Variants in STAU2 observed in about 807,000 individuals in gnomAD.
STAU2 encodes staufen double-stranded RNA binding protein 2.
Under a neutral mutation model 65.9 loss-of-function variants are expected in STAU2, and 20 were observed. That is an observed-to-expected ratio of 0.30 (90% CI 0.21 to 0.44). The LOEUF is 0.44. Ranked by LOEUF, STAU2 falls within the 20% of genes least tolerant of loss-of-function variation. The pLI, the probability that STAU2 is intolerant of heterozygous loss-of-function variation, is 1.00. For synonymous variants in STAU2, 232 were observed against 233.9 expected, an observed-to-expected ratio of 0.99 and a Z score of 0.07; for missense variants, 558 against 683.9, an observed-to-expected ratio of 0.82 and a Z score of 2.05.
At chr8:73,596,271 T>C (rs999569049) in intron 10 of STAU2, among the ~76,000 whole-genome samples, 5 of 152,148 alleles carry the variant, frequency 3.3e-5, no homozygotes, top group Admixed American at 6.5e-5. Flanking sequence ...CAATGTTGCT[T>C]TGAAAATTAA....
intron 13 of STAU2, among the ~76,000 whole-genome samples, chr8:73,425,845 T>C (rs574736921): frequency 1.3e-5 from 2 of 152,000 alleles, no homozygotes; most frequent in African/African-American, 4.8e-5. Context: ...CAGGCTGGAG[T>C]GCAGTGGTGT....
intron 5 of STAU2, among the ~76,000 whole-genome samples, chr8:73,679,669 C>T (rs1818261541): frequency 7.4e-6 from 1 of 135,062 alleles, no homozygotes; most frequent in African/African-American, 2.9e-5. Context: ...ATCGCTTGAG[C>T]CCAGTTTGAG....
At chr8:73,465,348 A>G (rs1484409854) in intron 13 of STAU2, among the ~76,000 whole-genome samples, 2 of 152,224 alleles carry the variant, frequency 1.3e-5, no homozygotes. Context: ...GTTCCTTTAC[A>G]ATATCCTAGA....
At chr8:73,439,180 T>C (rs896029287) in intron 13 of STAU2, 1 of 379,934 alleles carries the variant, frequency 2.6e-6, no homozygotes, top group Non-Finnish European at 5.3e-6. Context: ...CCACCCTGGC[T>C]GATGCGCAGT....
intron 13 of STAU2, among the ~76,000 whole-genome samples, chr8:73,491,899 C>G (rs1821171137): frequency 6.6e-6 from 1 of 151,928 alleles, no homozygotes; most frequent in African/African-American, 2.4e-5. Context: ...AAGTAGTCTT[C>G]TTTGAGCAAT....
chr8:73,679,752 G>A (rs917945593), intron 5 of STAU2, among the ~76,000 whole-genome samples: 12 of 151,268 alleles, frequency 7.9e-5, no homozygotes, highest in Non-Finnish European at 2.9e-5. Flanking sequence ...GCTGGGCAAG[G>A]TGGTGCACAC....
chr8:73,722,625 A>C (rs564224501), intron 3 of STAU2, among the ~76,000 whole-genome samples: 229 of 152,274 alleles, frequency 1.5e-3, no homozygotes, highest in African/African-American at 5.1e-3. Flanking sequence ...TAAGATAATC[A>C]TCTTTATCTT....
At chr8:73,577,108 A>G (rs894439768) in intron 12 of STAU2, among the ~76,000 whole-genome samples, 24 of 152,178 alleles carry the variant, frequency 1.6e-4, no homozygotes, top group Non-Finnish European at 5.9e-5. Flanking sequence ...CAGTATACAG[A>G]TAATTCTGCT....
intron 6 of STAU2, among the ~76,000 whole-genome samples, chr8:73,658,948 A>C (rs1298459823): frequency 1.7e-4 from 26 of 151,428 alleles, no homozygotes; most frequent in Admixed American, 4.6e-4. Flanking sequence ...AACAACAAAA[A>C]AAAAAAACCA....
At chr8:73,693,398 C>T (rs1217898191) in intron 4 of STAU2, among the ~76,000 whole-genome samples, 1 of 150,286 alleles carries the variant, frequency 6.7e-6, no homozygotes, top group Non-Finnish European at 1.5e-5. Flanking sequence ...TGGCGTGAAC[C>T]CGGGAGGTGG....
At chr8:73,553,586 G>A (rs1350519201) in intron 12 of STAU2, among the ~76,000 whole-genome samples, 1 of 152,016 alleles carries the variant, frequency 6.6e-6, no homozygotes, top group Non-Finnish European at 1.5e-5. Context: ...TTTTGTCCAA[G>A]CCTTTAACAT....
At chr8:73,730,497 A>T (rs989880609) in intron 3 of STAU2, among the ~76,000 whole-genome samples, 1 of 152,038 alleles carries the variant, frequency 6.6e-6, no homozygotes, top group Non-Finnish European at 1.5e-5. Context: ...GAGGCCGAGG[A>T]GGGTGGATCA....
intron 13 of STAU2, among the ~76,000 whole-genome samples, chr8:73,473,186 C>T (rs1169901344): frequency 2.0e-5 from 3 of 152,144 alleles, no homozygotes; most frequent in African/African-American, 7.2e-5. Flanking sequence ...AAGCCTGAGA[C>T]TCAGGCTGAC....
At chr8:73,614,071 T>A in intron 8 of STAU2, 115 bp from the exon 9 acceptor site, 4 of 715,996 alleles carry the variant, frequency 5.6e-6, no homozygotes, top group Non-Finnish European at 6.6e-6. Flanking sequence ...AATTATAGTA[T>A]TTCTTTAAGA....
intron 13 of STAU2, among the ~76,000 whole-genome samples, chr8:73,502,125 G>A (rs908336584): frequency 6.6e-6 from 1 of 151,890 alleles, no homozygotes; most frequent in Non-Finnish European, 1.5e-5. Context: ...CATCCATGAA[G>A]TTACAGTAGG....
chr8:73,481,450 G>C (rs1405200850), intron 13 of STAU2, among the ~76,000 whole-genome samples: 1 of 150,426 alleles, frequency 6.6e-6, no homozygotes, highest in East Asian at 2.0e-4. Context: ...CACTGGCTAG[G>C]GTCCCTTCTA....
At chr8:73,741,694 G>A (rs936379995) in intron 1 of STAU2, among the ~76,000 whole-genome samples, 3 of 151,912 alleles carry the variant, frequency 2.0e-5, no homozygotes, top group African/African-American at 4.8e-5. Flanking sequence ...TGTATTTTTT[G>A]TAGAGACGGG....
In STAU2 at chr8:73,549,839, G is replaced by A. The variant is rs1029038237; in HGVS notation, c.1530+2173C>T. The stretch of plus-strand genomic sequence containing the variant: ...TTTCAGAAATAAAAGTAACAGAATA[G>A]TGTATAATCTGTAACAAGCTGGTCC... On this transcript the variant is annotated intron_variant, in intron 13 of 14. Coordinates refer to ENST00000524300, the MANE Select transcript of STAU2 (RefSeq NM_001164380.2). The A allele has an allele frequency of 6.4e-6, 6 of 932,368 alleles. No homozygotes were observed. In the African/African-American group the frequency reaches 1.1e-4, roughly 17 times the overall value. The allele number at this position is 932,368 out of a possible 1,614,324, so 57.8% of individuals were successfully genotyped here.
At chr8:73,482,515 C>T (rs1435769591) in intron 13 of STAU2, among the ~76,000 whole-genome samples, 2 of 152,054 alleles carry the variant, frequency 1.3e-5, no homozygotes, top group Non-Finnish European at 2.9e-5. Context: ...CACTCTCATA[C>T]GAGCAGTCTA....
Sources: gnomAD v4.1 joint callset for allele counts (sites outside exome capture counted in the v4.1 genomes callset) on GRCh38, gnomAD v4.1.1 for gene constraint, MANE v1.5 for transcripts, NCBI Gene and HGNC (gene_info 2026-07-23, HGNC 2026-07-21) for gene names.